Variants in EIF4H observed in about 807,000 individuals in gnomAD.
EIF4H encodes the protein Williams-Beuren syndrome chromosome region 1.
Under a neutral mutation model 30.6 loss-of-function variants are expected in EIF4H, and 8 were observed. The ratio of observed to expected loss-of-function variants is 0.26; its 90% CI spans 0.15 to 0.47. EIF4H has a LOEUF of 0.47. EIF4H is among the 20% of genes least tolerant of loss of function. The pLI, the probability that EIF4H is intolerant of heterozygous loss-of-function variation, is 0.99. For missense variants in EIF4H, 188 were observed against 339.5 expected (o/e 0.55, Z 3.51); for synonymous variants, 106 against 122.7 (o/e 0.86, Z 0.90).
At chr7:74,186,180 G>A (rs1801076662) in intron 1 of EIF4H, among the ~76,000 whole-genome samples, 1 of 151,484 alleles carries the variant, frequency 6.6e-6, no homozygotes, top group African/African-American at 2.4e-5. Flanking sequence ...CATTCTTATG[G>A]CAAATATCGT....
chr7:74,175,529 C>G (rs1800818906), intron 1 of EIF4H, among the ~76,000 whole-genome samples: 1 of 152,094 alleles, frequency 6.6e-6, no homozygotes, highest in South Asian at 2.1e-4. Context: ...TGTTTCGGGG[C>G]AGGAGTGTAG....
intron 1 of EIF4H, among the ~76,000 whole-genome samples, chr7:74,183,576 T>A (rs1242755838): frequency 6.6e-6 from 1 of 152,252 alleles, no homozygotes; most frequent in Non-Finnish European, 1.5e-5. Flanking sequence ...CATGTGTTGT[T>A]ATTGATCTGT....
At position 74,187,636 on chromosome 7, in the gene EIF4H, G is replaced by A; in HGVS notation, c.85G>A (p.Gly29Ser). ...GTCCCGCGGCAGTGCTGGTGGCCATGGTTCCCGTAGCCAGAAGGAGTTGCC... is the reference window on the plus strand; with the variant it reads ...GTCCCGCGGCAGTGCTGGTGGCCATAGTTCCCGTAGCCAGAAGGAGTTGCC... ...RGSRGSAGGH[G>S]SRSQKELPTE... is the part of the protein sequence containing the mutation. The change falls in exon 2 of 7, where the codon GGT (glycine) becomes AGT (serine). Residue 29 changes from glycine to serine, a missense_variant. This residue lies in a region of EIF4H where 52 missense variants were observed against 143.9 expected (regional missense o/e 0.36). Transcript: ENST00000265753. The A allele has an allele frequency of 6.2e-7, 1 of 1,608,608 alleles. No individual in the cohort carries two copies. Among genetic ancestry groups the A allele is most frequent in the Non-Finnish European group, 8.5e-7 (1 of 1,176,434 alleles).
intron 1 of EIF4H, among the ~76,000 whole-genome samples, chr7:74,175,947 A>G (rs1166739608): frequency 6.6e-6 from 1 of 152,140 alleles, no homozygotes; most frequent in Non-Finnish European, 1.5e-5. Context: ...ATCAGAAGTA[A>G]AATTCTATTA....
chr7:74,194,986 T>C, intron 6 of EIF4H, 108 bp downstream of exon 6: 2 of 1,507,342 alleles, frequency 1.3e-6, no homozygotes, highest in Non-Finnish European at 1.8e-6. Flanking sequence ...GTTGTCGGCA[T>C]AGATCCCCAC....
At chr7:74,194,537 C>T (rs1436740869) in intron 5 of EIF4H, among the ~76,000 whole-genome samples, 1 of 152,126 alleles carries the variant, frequency 6.6e-6, no homozygotes, top group Non-Finnish European at 1.5e-5. Context: ...ATTCCTTTTT[C>T]TTTGGGAAGT....
At position 74,195,402 on chromosome 7, in the gene EIF4H, C is replaced by T. The variant is rs1379734297; in HGVS notation, c.*94C>T. On this transcript the variant is annotated 3_prime_UTR_variant, in exon 7 of 7. Transcript: ENST00000265753. ...AGCCGTCCTGCAGCCGCCACTCCTGCGCCTGCCATTGGCCTCCTCACAGCG... is the reference window on the plus strand; with the variant it reads ...AGCCGTCCTGCAGCCGCCACTCCTGTGCCTGCCATTGGCCTCCTCACAGCG... The T allele has an allele frequency of 1.1e-5, 15 of 1,410,748 alleles. No individual in the cohort carries two copies. Among genetic ancestry groups the T allele is most frequent in the Middle Eastern group, 2.6e-4 (1 of 3,842 alleles). 87.4% of individuals were successfully genotyped at this position (1,410,748 alleles called of 1,614,324 possible). A position where few individuals can be genotyped will look rare whatever the true frequency, so the allele number is the denominator to read the frequency against.
In EIF4H at chr7:74,195,787, A is replaced by G. The variant is rs764267904; in HGVS notation, c.*479A>G. ...ATTGCTGGGGCTTCCAACAAAAACC[A>G]GAGTCACTGACAGAGGGAACAGCAG... On this transcript the variant is annotated 3_prime_UTR_variant, in exon 7 of 7. Transcript: ENST00000265753. 2 of 155,508 alleles carry G rather than the reference A, an allele frequency of 1.3e-5. No homozygotes were observed. Among genetic ancestry groups the G allele is most frequent in the Non-Finnish European group, 2.9e-5 (2 of 68,736 alleles). 9.6% of individuals were successfully genotyped at this position (155,508 alleles called of 1,614,324 possible).
At chr7:74,174,611 C>T (rs904633719) in intron 1 of EIF4H, among the ~76,000 whole-genome samples, 169 bp downstream of exon 1, 8 of 152,018 alleles carry the variant, frequency 5.3e-5, no homozygotes, top group African/African-American at 1.9e-4. Flanking sequence ...CGCTCGGAGA[C>T]GGGGCGGCGG....
In EIF4H at chr7:74,195,921, A is replaced by C. The variant is rs1801340810; in HGVS notation, c.*613A>C. 1 of 153,162 alleles carries C rather than the reference A, an allele frequency of 6.5e-6. No individual in the cohort carries two copies. The highest frequency in any genetic ancestry group is 2.4e-5 in the African/African-American group (1 of 41,384). 9.5% of individuals were successfully genotyped at this position (153,162 alleles called of 1,614,324 possible). A position where few individuals can be genotyped will look rare whatever the true frequency, so the allele number is the denominator to read the frequency against. On this transcript the variant is annotated 3_prime_UTR_variant, in exon 7 of 7. Coordinates refer to ENST00000265753, the MANE Select transcript of EIF4H (RefSeq NM_022170.2). ...GTCCTTTCCATTCCTATTTAGAGGG[A>C]GTCCTGGCTCCATGACCCCCTCCCG...
chr7:74,175,038 C>T (rs182314516), intron 1 of EIF4H, among the ~76,000 whole-genome samples: 218 of 152,348 alleles, frequency 1.4e-3, no homozygotes, highest in Middle Eastern at 3.4e-3. Flanking sequence ...ATAAATCCAT[C>T]GTAGCTTCTT....
At chr7:74,174,573 C>T (rs1286266601) in intron 1 of EIF4H, 131 bp downstream of exon 1, 4 of 864,876 alleles carry the variant, frequency 4.6e-6, no homozygotes, top group Non-Finnish European at 6.0e-6. Flanking sequence ...AGGAGCGGCG[C>T]CTGGAGGGCC....
intron 1 of EIF4H, among the ~76,000 whole-genome samples, chr7:74,179,035 T>A (rs1483982039): frequency 6.6e-6 from 1 of 152,038 alleles, no homozygotes; most frequent in Non-Finnish European, 1.5e-5. Context: ...ATACTCACAT[T>A]TTTGGAGCCT....
At chr7:74,182,079 C>T (rs1249927859) in intron 1 of EIF4H, among the ~76,000 whole-genome samples, 5 of 151,984 alleles carry the variant, frequency 3.3e-5, no homozygotes, top group Non-Finnish European at 5.9e-5. Context: ...TTTCTTTAAC[C>T]AACAGTTTTT....
At chr7:74,175,010 C>G (rs1800805387) in intron 1 of EIF4H, among the ~76,000 whole-genome samples, 1 of 152,168 alleles carries the variant, frequency 6.6e-6, no homozygotes, top group Non-Finnish European at 1.5e-5. Flanking sequence ...TCCTTGCGGG[C>G]GGGGGGAGAC....
At chr7:74,188,687 G>A (rs1168412786) in intron 2 of EIF4H, among the ~76,000 whole-genome samples, 2 of 152,010 alleles carry the variant, frequency 1.3e-5, no homozygotes, top group African/African-American at 2.4e-5. Flanking sequence ...GGGTTGGAGT[G>A]TGTGGGTGAG....
Position 74,195,238 on chromosome 7 carries a change from C to T in EIF4H, c.677C>T (p.Ala226Val). Residue 226 changes from alanine (A) to valine (V), a missense_variant, in exon 7 of 7, where the codon GCC (alanine) becomes GTC (valine). Coordinates refer to ENST00000265753, the MANE Select transcript of EIF4H (RefSeq NM_022170.2). ...GTCGCGACGCCCCTCAATCAAGTAG[C>T]CAATCCCAACTCTGCTATCTTCGGG... ...RTVATPLNQV[A>V]NPNSAIFGGA... The T allele has an allele frequency of 6.2e-7, 1 of 1,613,982 alleles. No homozygotes were observed. Among genetic ancestry groups the T allele is most frequent in the Non-Finnish European group, 8.5e-7 (1 of 1,179,860 alleles).
chr7:74,184,129 TAAC>T lies in EIF4H; in HGVS notation c.60-3481_60-3479del, dbSNP rs1563950244. ...TTAGCTGTTAGGTGCTGCCATTTGGTAACGTGCCAACTTTTCAAAAATGGTTTG... is the reference window on the plus strand; with the variant it reads ...TTAGCTGTTAGGTGCTGCCATTTGGTGTGCCAACTTTTCAAAAATGGTTTG... On this transcript the variant is annotated intron_variant, in intron 1 of 6. Coordinates refer to ENST00000265753, the MANE Select transcript of EIF4H (RefSeq NM_022170.2). Among the ~76,000 whole-genome samples the T allele has an allele frequency of 4.6e-5, 7 of 152,310 alleles. No individual in the cohort carries two copies. The East Asian group carries it at 1.3e-3, about 29-fold the overall frequency.
chr7:74,187,904 A>G (rs2115972677), intron 2 of EIF4H, 106 bp downstream of exon 2: 1 of 1,330,390 alleles, frequency 7.5e-7, no homozygotes, highest in Middle Eastern at 1.9e-4. Flanking sequence ...TAATCAAGAA[A>G]GTGTTTTAAA....
Sources: allele counts gnomAD v4.1 joint callset (sites outside exome capture counted in the v4.1 genomes callset), GRCh38; gene constraint gnomAD v4.1.1; regional missense constraint gnomAD v4.1.1; transcripts MANE v1.5; gene names NCBI Gene and HGNC (gene_info 2026-07-23, HGNC 2026-07-21).